MARK3: variants seen among roughly 807,000 people sequenced by gnomAD.
MARK3 encodes microtubule affinity regulating kinase 3, also known as MAP/microtubule affinity-regulating kinase 3.
MARK3 carries 46 observed loss-of-function variants against 90.1 expected under a neutral mutation model. The ratio of observed to expected loss-of-function variants is 0.51; its 90% CI spans 0.40 to 0.65. The LOEUF is 0.65. Among genes scored for constraint, MARK3 ranks in the 30% least tolerant of loss-of-function variants. MARK3 has a pLI of 0.00. For missense variants in MARK3, 818 were observed against 947.2 expected (o/e 0.86, Z 1.79); for synonymous variants, 321 against 332.6 (o/e 0.97, Z 0.38).
At position 103,403,559 on chromosome 14, in the gene MARK3, C is replaced by A. The variant is rs112047015; in HGVS notation, c.52-1517C>A. Among the ~76,000 whole-genome samples the A allele has an allele frequency of 1.3e-3, 205 of 152,198 alleles. 1 individual carries two copies. Among genetic ancestry groups the A allele is most frequent in the African/African-American group, 4.7e-3 (196 of 41,528 alleles). On this transcript the variant is annotated intron_variant, in intron 1 of 17. Coordinates refer to ENST00000429436, the MANE Select transcript of MARK3 (RefSeq NM_001128918.3). Reference sequence around the variant, plus strand: ...TCTAAGATATAAGGAATAATAAATTCCTGTTACTGTTTTCATGAAACTTAA... The same window carrying A: ...TCTAAGATATAAGGAATAATAAATTACTGTTACTGTTTTCATGAAACTTAA...
intron 14 of MARK3, among the ~76,000 whole-genome samples, chr14:103,483,942 TAGACTGTTC>T (rs1158647829): frequency 1.3e-5 from 2 of 152,232 alleles, no homozygotes; most frequent in East Asian, 3.8e-4. Context: ...TTATTAATTA[TAGACTGTTC>T]AGACAAGGTT....
intron 2 of MARK3, among the ~76,000 whole-genome samples, chr14:103,419,878 C>T (rs951006174): frequency 1.3e-5 from 2 of 152,022 alleles, no homozygotes; most frequent in African/African-American, 4.8e-5. Context: ...TGAACTGGCC[C>T]AGAAACGGAG....
chr14:103,474,998 C>G lies in MARK3; in HGVS notation c.1270C>G (p.Pro424Ala), dbSNP rs777282141. 2 of 1,609,230 alleles carry G rather than the reference C, an allele frequency of 1.2e-6. No homozygotes were observed. The highest frequency in any genetic ancestry group is 1.7e-6 in the Non-Finnish European group (2 of 1,175,950). The change falls in exon 13 of 18, where the codon CCA becomes GCA. Residue 424 changes from proline (P) to alanine (A), a missense_variant. By Grantham distance (27) the Pro-to-Ala change is conservative (BLOSUM62 -1). Transcript: ENST00000429436. ...KQRRYSDHAG[P>A]AIPSVVAYPK... Reference sequence around the variant, plus strand: ...AAATGAACTCTTTATTTTAGCTGGACCAGCTATTCCTTCTGTTGTGGCGTA... The same window carrying G: ...AAATGAACTCTTTATTTTAGCTGGAGCAGCTATTCCTTCTGTTGTGGCGTA...
intron 13 of MARK3, among the ~76,000 whole-genome samples, chr14:103,479,624 A>G (rs900182674): frequency 1.1e-5 from 1 of 92,714 alleles, no homozygotes; most frequent in Non-Finnish European, 2.1e-5. Context: ...GGCCATACGT[A>G]TAGCTTTTTT....
chr14:103,450,918 ATTC>A (rs1566866024), intron 4 of MARK3, among the ~76,000 whole-genome samples: 4 of 29,722 alleles, frequency 1.3e-4, no homozygotes, highest in African/African-American at 2.2e-4. Flanking sequence ...GTGTGTGTGT[ATTC>A]TTTTTTTTTT....
At chr14:103,454,380 G>C (rs2093228451) in intron 5 of MARK3, among the ~76,000 whole-genome samples, 1 of 151,986 alleles carries the variant, frequency 6.6e-6, no homozygotes. Flanking sequence ...AGCTTCCTGA[G>C]TAGCTGGGAC....
chr14:103,491,923 A>G lies in MARK3; in HGVS notation c.1733A>G (p.Asn578Ser). The G allele has an allele frequency of 6.2e-7, 1 of 1,614,150 alleles. No homozygotes were observed. Among genetic ancestry groups the G allele is most frequent in the Non-Finnish European group, 8.5e-7 (1 of 1,180,036 alleles). The change falls in exon 15 of 18, where the codon AAT (asparagine) becomes AGT (serine). Residue 578 changes from asparagine to serine, a missense_variant. This residue lies in a region of MARK3 where 560 missense variants were observed against 613.5 expected (regional missense o/e 0.91). Transcript: ENST00000429436. ...CGGGAACGGCGAACCGCAACATATA[A>G]TGGCCCTCCTGCCTCTCCCAGCCTG... ...QPRERRTATY[N>S]GPPASPSLSH...
At chr14:103,394,009 C>T (rs2090430013) in intron 1 of MARK3, among the ~76,000 whole-genome samples, 1 of 152,194 alleles carries the variant, frequency 6.6e-6, no homozygotes, top group African/African-American at 2.4e-5. Context: ...GCTGGGATTA[C>T]AGGCTTGAGC....
At position 103,451,911 on chromosome 14, in the gene MARK3, C is replaced by A; in HGVS notation, c.347-7C>A. 6.2e-7 allele frequency: 1 copy of A among 1,606,530 alleles called. No homozygotes were observed. The highest frequency in any genetic ancestry group is 8.5e-7 in the Non-Finnish European group (1 of 1,174,514). On this transcript the variant is annotated splice_region_variant and splice_polypyrimidine_tract_variant and intron_variant, in intron 4 of 17. Transcript: ENST00000429436. The stretch of plus-strand genomic sequence containing the variant: ...CTTTTTCTTCCGTGTCCTCTCCTCT[C>A]CCGCAGTGAAGTTATTCGAAGTCAT...
At chr14:103,433,303 C>T (rs2092637532) in intron 3 of MARK3, among the ~76,000 whole-genome samples, 1 of 151,892 alleles carries the variant, frequency 6.6e-6, no homozygotes, top group African/African-American at 2.4e-5. Flanking sequence ...TCAGACTGGT[C>T]TCCCAACTCC....
intron 14 of MARK3, among the ~76,000 whole-genome samples, chr14:103,482,113 T>C (rs1415095980): frequency 1.3e-5 from 2 of 152,124 alleles, no homozygotes; most frequent in East Asian, 3.8e-4. Context: ...TGTATTATAG[T>C]TCAGTTCTTA....
chr14:103,455,933 G>C (rs1318259463), intron 5 of MARK3, among the ~76,000 whole-genome samples: 2 of 152,110 alleles, frequency 1.3e-5, no homozygotes, highest in Non-Finnish European at 2.9e-5. Context: ...TTATTTGTAT[G>C]AAGTAAAGAT....
In MARK3 at chr14:103,491,737, A is replaced by G. The variant is rs371727782; in HGVS notation, c.1587-40A>G. On this transcript the variant is annotated intron_variant, in intron 14 of 17. Coordinates refer to ENST00000429436, the MANE Select transcript of MARK3 (RefSeq NM_001128918.3). Reference sequence around the variant, plus strand: ...GTATATTGTGACTGTAAATTTTTGTATATCATGTTCTGAGAGCTTCTTACT... The same window carrying G: ...GTATATTGTGACTGTAAATTTTTGTGTATCATGTTCTGAGAGCTTCTTACT... 6 of 1,595,986 alleles carry G rather than the reference A, an allele frequency of 3.8e-6. No homozygotes were observed. In the African/African-American group the frequency reaches 5.4e-5, roughly 14 times the overall value.
At chr14:103,496,671 C>A (rs1034486978) in intron 15 of MARK3, among the ~76,000 whole-genome samples, 9 of 151,986 alleles carry the variant, frequency 5.9e-5, no homozygotes, top group African/African-American at 2.2e-4. Context: ...CCTCAGCCTC[C>A]CAAAGTGCTG....
chr14:103,400,198 G>A (rs1397202100), intron 1 of MARK3, among the ~76,000 whole-genome samples: 4 of 152,082 alleles, frequency 2.6e-5, no homozygotes, highest in African/African-American at 9.7e-5. Flanking sequence ...CAAAGTGCTG[G>A]GATTACAGGT....
intron 13 of MARK3, among the ~76,000 whole-genome samples, chr14:103,476,626 A>G (rs1019691140): frequency 2.0e-5 from 3 of 152,168 alleles, no homozygotes; most frequent in Admixed American, 1.3e-4. Context: ...AACAATCTTA[A>G]GATTATTCTG....
intron 17 of MARK3, among the ~76,000 whole-genome samples, chr14:103,502,169 C>T (rs2075705151): frequency 6.6e-6 from 1 of 152,228 alleles, no homozygotes; most frequent in Non-Finnish European, 1.5e-5. Context: ...GACATCAGAC[C>T]AAGGCTTACA....
At chr14:103,453,077 T>G (rs2093192579) in intron 5 of MARK3, among the ~76,000 whole-genome samples, 1 of 152,222 alleles carries the variant, frequency 6.6e-6, no homozygotes, top group African/African-American at 2.4e-5. Context: ...CACTAGAGTT[T>G]CCTTAAAATA....
At chr14:103,465,511 T>A in intron 7 of MARK3, 46 bp from the exon 8 acceptor site, 1 of 1,347,878 alleles carries the variant, frequency 7.4e-7, no homozygotes, top group Non-Finnish European at 1.1e-6. Flanking sequence ...TAATTCTAAT[T>A]CTATTTTGGC....
Sources: allele counts gnomAD v4.1 joint callset (sites outside exome capture counted in the v4.1 genomes callset), GRCh38; gene constraint gnomAD v4.1.1; regional missense constraint gnomAD v4.1.1; transcripts MANE v1.5; gene names NCBI Gene and HGNC (gene_info 2026-07-23, HGNC 2026-07-21).